Variants in PRKN observed in about 807,000 individuals in gnomAD.
The protein encoded by PRKN is E3 ubiquitin-protein ligase parkin.
PRKN carries 56 observed loss-of-function variants against 59.5 expected under a neutral mutation model. The ratio of observed to expected loss-of-function variants is 0.94; its 90% CI spans 0.76 to 1.18. PRKN has a LOEUF of 1.18. PRKN is among the 50% of genes most tolerant of loss of function. The probability of loss-of-function intolerance (pLI) is 0.00; values close to 1 mark genes in which losing one functional copy is unlikely to be tolerated. For missense variants in PRKN, 657 were observed against 596.4 expected (o/e 1.10, Z -1.06); for synonymous variants, 250 against 222.1 (o/e 1.13, Z -1.12).
intron 1 of PRKN, among the ~76,000 whole-genome samples, chr6:162,523,421 G>C: frequency 6.6e-6 from 1 of 152,138 alleles, no homozygotes; most frequent in African/African-American, 2.4e-5. Context: ...CCAGCTCTTT[G>C]GGAGGCCGAA....
chr6:162,047,322 G>A (rs1010966305), intron 5 of PRKN, among the ~76,000 whole-genome samples: 1 of 152,104 alleles, frequency 6.6e-6, no homozygotes, highest in African/African-American at 2.4e-5. Flanking sequence ...ACCCCTCAAA[G>A]CCACAAAGGC....
In PRKN at chr6:161,569,358, C is replaced by G. The variant is rs72480423; in HGVS notation, c.930G>C (p.Glu310Asp). The G allele has an allele frequency of 4.9e-4, 793 of 1,613,164 alleles. No individual in the cohort carries two copies. The highest frequency in any genetic ancestry group is 6.5e-4 in the Non-Finnish European group (770 of 1,179,234). Residue 310 changes from glutamate (E) to aspartate (D), a missense_variant, in exon 8 of 12, where the codon GAG (glutamate) becomes GAC (aspartate). Glu to Asp is a conservative substitution (Grantham distance 45). Coordinates refer to ENST00000366898, the MANE Select transcript of PRKN (RefSeq NM_004562.3). ...ELHHFRILGEEQYNRYQQYGA... is the reference protein window; with the variant it reads ...ELHHFRILGEDQYNRYQQYGA... ...AGCCTTTGAGATGCTCACTCACCTG[C>G]TCTTCTCCCAGAATCCTGAAGTGAT... is the stretch of plus-strand genomic sequence containing the variant.
At chr6:162,458,299 G>A (rs771567497) in intron 1 of PRKN, among the ~76,000 whole-genome samples, 6 of 122,360 alleles carry the variant, frequency 4.9e-5, no homozygotes, top group South Asian at 2.4e-4. Context: ...GGTGGCACGT[G>A]CCTGTAATCC....
At chr6:162,092,326 C>G (rs777931796) in intron 4 of PRKN, among the ~76,000 whole-genome samples, 1 of 151,458 alleles carries the variant, frequency 6.6e-6, no homozygotes, top group Non-Finnish European at 1.5e-5. Context: ...TGCGCTCCAG[C>G]GTGGGTGACA....
chr6:162,297,308 T>C (rs549085417), intron 2 of PRKN, among the ~76,000 whole-genome samples: 1 of 152,104 alleles, frequency 6.6e-6, no homozygotes, highest in African/African-American at 2.4e-5. Flanking sequence ...GTTTCATCAA[T>C]GGCATCCGTT....
chr6:161,558,420 C>T (rs1444747391), intron 8 of PRKN, among the ~76,000 whole-genome samples: 1 of 151,938 alleles, frequency 6.6e-6, no homozygotes, highest in African/African-American at 2.4e-5. Flanking sequence ...AAAAAATTAC[C>T]TGGGCATGGT....
At chr6:162,221,158 C>T (rs959460122) in intron 3 of PRKN, among the ~76,000 whole-genome samples, 2 of 152,148 alleles carry the variant, frequency 1.3e-5, no homozygotes, top group Admixed American at 6.5e-5. Context: ...GCATATTCTG[C>T]CTATGTTTCT....
At chr6:162,554,720 G>A (rs1004683982) in intron 1 of PRKN, among the ~76,000 whole-genome samples, 13 of 152,126 alleles carry the variant, frequency 8.5e-5, no homozygotes, top group African/African-American at 2.7e-4. Flanking sequence ...TGGTGTTGAG[G>A]AGGAAGCATC....
chr6:161,999,972 G>A (rs919193502), intron 5 of PRKN, among the ~76,000 whole-genome samples: 6 of 152,018 alleles, frequency 3.9e-5, no homozygotes, highest in South Asian at 2.1e-4. Flanking sequence ...TTAACTATGC[G>A]TGAGTTCTTT....
chr6:161,908,222 G>A (rs150381685), intron 6 of PRKN, among the ~76,000 whole-genome samples: 1 of 152,162 alleles, frequency 6.6e-6, no homozygotes, highest in Non-Finnish European at 1.5e-5. Flanking sequence ...CAATGACCTG[G>A]GGAGCACGTG....
At chr6:162,147,037 T>A (rs1278335557) in intron 4 of PRKN, among the ~76,000 whole-genome samples, 1 of 150,754 alleles carries the variant, frequency 6.6e-6, no homozygotes, top group Non-Finnish European at 1.5e-5. Context: ...GGCCTTTTTT[T>A]ATTTTGTCTA....
chr6:162,129,346 ATAAG>A (rs985089560), intron 4 of PRKN, among the ~76,000 whole-genome samples: 5 of 152,250 alleles, frequency 3.3e-5, no homozygotes, highest in Non-Finnish European at 7.3e-5. Context: ...TCAAATATAA[ATAAG>A]TGTTTGCAAC....
intron 4 of PRKN, among the ~76,000 whole-genome samples, chr6:162,170,702 G>A (rs1783230875): frequency 6.6e-6 from 1 of 152,174 alleles, no homozygotes; most frequent in African/African-American, 2.4e-5. Flanking sequence ...TGCTGGTCAC[G>A]ATTAATGCTG....
chr6:162,658,978 A>G (rs1194864330), intron 1 of PRKN, among the ~76,000 whole-genome samples: 2 of 152,224 alleles, frequency 1.3e-5, no homozygotes, highest in African/African-American at 4.8e-5. Flanking sequence ...CTATCAATAT[A>G]TACCTTTGGA....
rs538136277 is a variant in PRKN at position 161,548,587 on chromosome 6, T to C, written c.1083+267A>G. Among the ~76,000 whole-genome samples the C allele has an allele frequency of 6.6e-6, 1 of 152,316 alleles. No homozygotes were observed. The highest frequency in any genetic ancestry group is 2.1e-4 in the South Asian group (1 of 4,826). ...GGGAGAAAAGTTTAAAAGTCTGGCC[T>C]AGTGGCTCACAGCATCTTAAAGTAA... On this transcript the variant is annotated intron_variant, in intron 9 of 11. Coordinates refer to ENST00000366898, the MANE Select transcript of PRKN (RefSeq NM_004562.3). The surrounding 1 kb of genome is among the most constrained non-coding windows in gnomAD (Gnocchi z 4.2).
chr6:162,651,685 G>A (rs1326084883), intron 1 of PRKN, among the ~76,000 whole-genome samples: 1 of 152,104 alleles, frequency 6.6e-6, no homozygotes, highest in East Asian at 1.9e-4. Context: ...ATGGGAAGAA[G>A]GAAAAAAGCA....
At chr6:161,861,430 TG>T (rs1036821180) in intron 6 of PRKN, among the ~76,000 whole-genome samples, 4 of 151,992 alleles carry the variant, frequency 2.6e-5, no homozygotes, top group African/African-American at 9.7e-5. Context: ...TGTTGGGCAA[TG>T]GGGGGTAAAG....
intron 7 of PRKN, among the ~76,000 whole-genome samples, chr6:161,634,322 C>T (rs1222456569): frequency 6.6e-6 from 1 of 152,206 alleles, no homozygotes. Flanking sequence ...GCGGGAGGGC[C>T]TTCTCAGGCT....
At chr6:161,364,168 CAAAAA>C (rs71004043) in intron 10 of PRKN, among the ~76,000 whole-genome samples, 3 of 74,412 alleles carry the variant, frequency 4.0e-5, no homozygotes, top group African/African-American at 1.3e-4. Context: ...GACTCCGTCT[CAAAAA>C]AAAAAAAAAA....
Sources: gnomAD v4.1 joint callset for allele counts (sites outside exome capture counted in the v4.1 genomes callset) on GRCh38, gnomAD v4.1.1 for gene constraint, Gnocchi (gnomAD v3.1) non-coding constraint, MANE v1.5 for transcripts, NCBI Gene and HGNC (gene_info 2026-07-23, HGNC 2026-07-21) for gene names.